Variants in CDK8 observed in about 807,000 individuals in gnomAD.
CDK8 encodes the protein cyclin dependent kinase 8, also known as cyclin-dependent kinase 8.
In CDK8, 29 loss-of-function variants were observed where a neutral mutation model predicts 71.5. That is an observed-to-expected ratio of 0.41 (90% CI 0.30 to 0.55). The LOEUF (loss-of-function observed/expected upper bound fraction) is 0.55. Ranked by LOEUF, CDK8 falls within the 20% of genes least tolerant of loss-of-function variation. CDK8 has a pLI of 0.37. For missense variants in CDK8, 288 were observed against 572.6 expected (o/e 0.50, Z 5.07); for synonymous variants, 161 against 192.1 (o/e 0.84, Z 1.34).
At chr13:26,262,857 C>T (rs1871832860) in intron 1 of CDK8, among the ~76,000 whole-genome samples, 1 of 150,112 alleles carries the variant, frequency 6.7e-6, no homozygotes, top group South Asian at 2.1e-4. Flanking sequence ...TTTAGACTAA[C>T]TTCTATTCAA....
chr13:26,354,439 G>A (rs938799598), intron 4 of CDK8, among the ~76,000 whole-genome samples: 5 of 152,080 alleles, frequency 3.3e-5, no homozygotes, highest in African/African-American at 1.2e-4. Flanking sequence ...TTAATTTTAC[G>A]TTGCAAAGTC....
chr13:26,387,627 G>T (rs1253490487), intron 6 of CDK8, among the ~76,000 whole-genome samples: 1 of 152,082 alleles, frequency 6.6e-6, no homozygotes, highest in African/African-American at 2.4e-5. Flanking sequence ...TTTGTAGCTG[G>T]TATTCCCAAG....
rs1293332141 is a variant in CDK8 at position 26,382,966 on chromosome 13, A to T, written c.514+95A>T. The T allele has an allele frequency of 8.7e-6, 6 of 690,264 alleles. No homozygotes were observed. The Admixed American group carries it at 1.6e-4, about 19-fold the overall frequency. 42.8% of individuals were successfully genotyped at this position (690,264 alleles called of 1,614,324 possible). Reference sequence around the variant, plus strand: ...CTAATTTTTGCTATAATATGCATATATTCATGTAGTTCCATATGATCGAAG... The same window carrying T: ...CTAATTTTTGCTATAATATGCATATTTTCATGTAGTTCCATATGATCGAAG... On this transcript the variant is annotated intron_variant, in intron 5 of 12. Coordinates refer to ENST00000381527, the MANE Select transcript of CDK8 (RefSeq NM_001260.3).
Position 26,340,024 on chromosome 13 carries a change from G to A in CDK8, c.204+2382G>A, listed in dbSNP as rs1001685065. Among the ~76,000 whole-genome samples the A allele has an allele frequency of 7.9e-5, 12 of 151,932 alleles. 1 individual carries two copies. In the South Asian group the frequency reaches 1.7e-3, roughly 21 times the overall value. On this transcript the variant is annotated intron_variant, in intron 2 of 12. Transcript: ENST00000381527. ...AAAATATTTCCGCTTTCACTGTTCA[G>A]TATAATGATAGCTGTGTGTTTTTCA...
intron 1 of CDK8, among the ~76,000 whole-genome samples, chr13:26,286,632 A>G (rs2137894035): frequency 6.6e-6 from 1 of 152,334 alleles, no homozygotes; most frequent in East Asian, 1.9e-4. Flanking sequence ...GAATCCAAAA[A>G]CAAATGCAGC....
intron 1 of CDK8, among the ~76,000 whole-genome samples, chr13:26,274,346 A>C (rs941721944): frequency 2.0e-5 from 3 of 151,854 alleles, no homozygotes; most frequent in African/African-American, 7.3e-5. Flanking sequence ...TTAACATTTA[A>C]ATTTTTAATT....
At chr13:26,316,705 A>G (rs577512286) in intron 1 of CDK8, among the ~76,000 whole-genome samples, 23 of 152,306 alleles carry the variant, frequency 1.5e-4, no homozygotes, top group Non-Finnish European at 2.8e-4. Context: ...AAAGTAGCAA[A>G]CACCAGGGAA....
At chr13:26,332,569 T>G (rs1328526485) in intron 1 of CDK8, among the ~76,000 whole-genome samples, 4 of 152,090 alleles carry the variant, frequency 2.6e-5, no homozygotes, top group Admixed American at 1.3e-4. Context: ...GACTTTTATT[T>G]CTTTCTCCTG....
chr13:26,291,516 G>T, intron 1 of CDK8, among the ~76,000 whole-genome samples: 1 of 151,904 alleles, frequency 6.6e-6, no homozygotes, highest in East Asian at 1.9e-4. Context: ...TATATGTTCA[G>T]ATTTTTAAAA....
rs140501699 is a variant in CDK8, at chr13:26,360,312, A to C, written c.456+6432A>C. On this transcript the variant is annotated intron_variant, in intron 4 of 12. Transcript: ENST00000381527. ...CTCTACAAAAAGAAAATTGAAACACATTGTCAAATATGCTGGTATTTGTGA... is the reference window on the plus strand; with the variant it reads ...CTCTACAAAAAGAAAATTGAAACACCTTGTCAAATATGCTGGTATTTGTGA... Among the ~76,000 whole-genome samples the C allele has an allele frequency of 3.8e-3, 582 of 152,244 alleles. 7 individuals are homozygous for C. Among genetic ancestry groups the C allele is most frequent in the African/African-American group, 0.013 (548 of 41,552 alleles).
intron 1 of CDK8, among the ~76,000 whole-genome samples, chr13:26,279,232 T>G (rs1872658038): frequency 6.6e-6 from 1 of 152,184 alleles, no homozygotes; most frequent in African/African-American, 2.4e-5. Flanking sequence ...TTTGTAACTC[T>G]CAGTGTAAAA....
chr13:26,254,418 C>A lies in CDK8; in HGVS notation c.-224C>A. 2.4e-6 allele frequency: 1 copy of A among 409,384 alleles called. No individual in the cohort carries two copies. Among genetic ancestry groups the A allele is most frequent in the East Asian group, 4.6e-5 (1 of 21,794 alleles). 25.4% of individuals were successfully genotyped at this position (409,384 alleles called of 1,614,324 possible). On this transcript the variant is annotated 5_prime_UTR_variant, in exon 1 of 13. Coordinates refer to ENST00000381527, the MANE Select transcript of CDK8 (RefSeq NM_001260.3). The surrounding 1 kb of genome is among the most constrained non-coding windows in gnomAD (Gnocchi z 6.7). ...CTCTCCTTCGCCGGGGGATCCTCCC[C>A]GTTCCTCCACCCCCGGCCGGCCTCT...
At chr13:26,343,729 T>A (rs1393246505) in intron 2 of CDK8, among the ~76,000 whole-genome samples, 1 of 152,202 alleles carries the variant, frequency 6.6e-6, no homozygotes, top group Admixed American at 6.5e-5. Context: ...ACATTCAGTT[T>A]ATAAAACATA....
rs117270957 is a variant in CDK8 at position 26,396,407 on chromosome 13, C to T, written c.860+53C>T. ...TTGATTTTTGCTTTACCAGAATACTCAGTGTAAGACTGAATATTCAACATA... is the reference window on the plus strand; with the variant it reads ...TTGATTTTTGCTTTACCAGAATACTTAGTGTAAGACTGAATATTCAACATA... On this transcript the variant is annotated intron_variant, in intron 8 of 12. Transcript: ENST00000381527. 2.8e-3 allele frequency: 1,958 copies of T among 706,730 alleles called. 4 individuals carry two copies. Among genetic ancestry groups the T allele is most frequent in the Admixed American group, 4.5e-3 (158 of 35,446 alleles). The allele number at this position is 706,730 out of a possible 1,614,324, so 43.8% of individuals were successfully genotyped here. A position where few individuals can be genotyped will look rare whatever the true frequency, so the allele number is the denominator to read the frequency against.
chr13:26,378,501 C>A (rs1024358626), intron 4 of CDK8, among the ~76,000 whole-genome samples: 26 of 152,170 alleles, frequency 1.7e-4, no homozygotes, highest in South Asian at 1.4e-3. Context: ...TTGCTTCAAA[C>A]AGTAGTATCT....
At chr13:26,333,174 T>C (rs1163365345) in intron 1 of CDK8, among the ~76,000 whole-genome samples, 1 of 151,950 alleles carries the variant, frequency 6.6e-6, no homozygotes, top group Non-Finnish European at 1.5e-5. Flanking sequence ...AGTCTCGCTC[T>C]CATCCCCCAG....
At position 26,404,089 on chromosome 13, in the gene CDK8, C is replaced by T. The variant is rs1266450534; in HGVS notation, c.*8C>T. ...CAGACACATCGGTACTGAGCTGCAT[C>T]GGAATCTTGTCCATGCACTGTTGCG... is the stretch of plus-strand genomic sequence containing the variant. On this transcript the variant is annotated 3_prime_UTR_variant, in exon 13 of 13. Transcript: ENST00000381527. 2.5e-6 allele frequency: 4 copies of T among 1,613,372 alleles called. No homozygotes were observed. Among genetic ancestry groups the T allele is most frequent in the Non-Finnish European group, 2.5e-6 (3 of 1,179,734 alleles).
At chr13:26,395,967 G>A (rs1335613510) in intron 7 of CDK8, among the ~76,000 whole-genome samples, 4 of 152,060 alleles carry the variant, frequency 2.6e-5, no homozygotes, top group South Asian at 2.1e-4. Context: ...ATAGAAAGAG[G>A]ACATTTAATA....
chr13:26,380,350 T>G (rs1199702669), intron 4 of CDK8, among the ~76,000 whole-genome samples: 1 of 152,120 alleles, frequency 6.6e-6, no homozygotes, highest in African/African-American at 2.4e-5. Flanking sequence ...CAGCTAATTT[T>G]TGTATTTTTT....
Sources: allele counts gnomAD v4.1 joint callset (sites outside exome capture counted in the v4.1 genomes callset), GRCh38; gene constraint gnomAD v4.1.1; non-coding constraint Gnocchi (gnomAD v3.1); transcripts MANE v1.5; gene names NCBI Gene and HGNC (gene_info 2026-07-23, HGNC 2026-07-21).